HSF5: variants seen among roughly 807,000 people sequenced by gnomAD.
HSF5 encodes heat shock transcription factor 5.
A neutral mutation model predicts 50.8 loss-of-function variants in HSF5; 5 were observed. The ratio of observed to expected loss-of-function variants is 0.10; its 90% confidence interval spans 0.05 to 0.21. The LOEUF is 0.21. HSF5 is among the 10% of genes least tolerant of loss of function. The pLI is 1.00. For synonymous variants in HSF5, 307 were observed against 307.4 expected, an observed-to-expected ratio of 1.00 and a Z score of 0.02; for missense variants, 564 against 762.6, an observed-to-expected ratio of 0.74 and a Z score of 3.07.
intron 2 of HSF5, among the ~76,000 whole-genome samples, chr17:58,471,618 TTTC>T (rs1341313044): frequency 0.01 from 485 of 47,468 alleles, 2 homozygotes; most frequent in African/African-American, 0.041. Context: ...TTTCCTTTTC[TTTC>T]TTTTTTTTTT....
Position 58,479,938 on chromosome 17 carries a change from T to C in HSF5, c.880A>G (p.Asn294Asp). 1 of 1,614,076 alleles carries C rather than the reference T, an allele frequency of 6.2e-7. No homozygotes were observed. The highest frequency in any genetic ancestry group is 2.2e-5 in the East Asian group (1 of 44,886). The change falls in exon 2 of 6, where the codon AAC becomes GAC. Residue 294 changes from asparagine (N) to aspartate (D), a missense_variant. Asn to Asp is a conservative substitution (Grantham distance 23, BLOSUM62 1). Transcript: ENST00000323777. ...GAGTACTGTGCTGAGGGTGTGTAGTTACTGTATTTTTGGGAGGAGCTGACC... is the reference window on the plus strand; with the variant it reads ...GAGTACTGTGCTGAGGGTGTGTAGTCACTGTATTTTTGGGAGGAGCTGACC... ...TMVSSSQKYS[N>D]YTPSAQYSQA...
chr17:58,458,703 T>A, intron 5 of HSF5, 65 bp downstream of exon 5: 1 of 1,340,840 alleles, frequency 7.5e-7, no homozygotes. Flanking sequence ...AGAAAAAATG[T>A]CATTCATATA....
Position 58,462,771 on chromosome 17 carries a change from TGCCC to T in HSF5, c.1542+7_1542+10del. ...TGAGCTTTATAAGCATTTTTTTCTTTGCCCCCTTACCTGGTGTGTGCTGAATGGT... is the reference window on the plus strand; with the variant it reads ...TGAGCTTTATAAGCATTTTTTTCTTTCCTTACCTGGTGTGTGCTGAATGGT... On this transcript the variant is annotated splice_region_variant and intron_variant, in intron 4 of 5. Transcript: ENST00000323777. 6.4e-7 allele frequency: 1 copy of T among 1,567,256 alleles called. No individual in the cohort carries two copies.
At position 58,476,185 on chromosome 17, in the gene HSF5, T is replaced by A. The variant is rs1370811866; in HGVS notation, c.925+3708A>T. The A allele has an allele frequency of 1.7e-5, 17 of 976,846 alleles. No individual in the cohort carries two copies. The East Asian group carries it at 4.4e-4, about 25-fold the overall frequency. 60.5% of individuals were successfully genotyped at this position (976,846 alleles called of 1,614,324 possible). On this transcript the variant is annotated intron_variant, in intron 2 of 5. Transcript: ENST00000323777. ...CCTCCCCTTCATCATCATCTTCATC[T>A]TCTTCATCTTCCTCATTTCCTTCTA...
chr17:58,455,185 G>C (rs1164786596), intron 5 of HSF5, among the ~76,000 whole-genome samples: 1 of 152,136 alleles, frequency 6.6e-6, no homozygotes, highest in Non-Finnish European at 1.5e-5. Flanking sequence ...TACATTTATA[G>C]CTAACTGATT....
rs1353439555 is a variant in HSF5 at position 58,420,977 on chromosome 17, C to A, written c.*1383G>T. 6.6e-6 allele frequency: 1 copy of A among 152,618 alleles called. No individual in the cohort carries two copies. The highest frequency in any genetic ancestry group is 2.4e-5 in the African/African-American group (1 of 41,458). The allele number at this position is 152,618 out of a possible 1,614,324, so 9.5% of individuals were successfully genotyped here. A position where few individuals can be genotyped will look rare whatever the true frequency, so the allele number is the denominator to read the frequency against. On this transcript the variant is annotated 3_prime_UTR_variant, in exon 6 of 6. Transcript: ENST00000323777. ...CTAGCATAGTACTATGTCATATCAC[C>A]AAGTGCCTTTTTAATTAGTTTCATA...
chr17:58,478,369 C>T (rs1020504892), intron 2 of HSF5, among the ~76,000 whole-genome samples: 12 of 147,676 alleles, frequency 8.1e-5, no homozygotes, highest in African/African-American at 2.7e-4. Flanking sequence ...CCCAGCTACT[C>T]GGGAGGCTGA....
intron 2 of HSF5, among the ~76,000 whole-genome samples, chr17:58,471,789 G>A (rs1281382670): frequency 6.6e-6 from 1 of 151,662 alleles, no homozygotes; most frequent in African/African-American, 2.4e-5. Flanking sequence ...AATATCACGT[G>A]TACCTTGGGG....
Position 58,480,061 on chromosome 17 carries a change from C to A in HSF5, c.757G>T (p.Val253Phe). 2.5e-6 allele frequency: 4 copies of A among 1,614,144 alleles called. No homozygotes were observed. Among genetic ancestry groups the A allele is most frequent in the Non-Finnish European group, 3.4e-6 (4 of 1,180,020 alleles). Residue 253 changes from valine to phenylalanine, a missense_variant, in exon 2 of 6, where the codon GTT (valine) becomes TTT (phenylalanine). Transcript: ENST00000323777. ...AACCTCTGGAGTACAGGAAACGGAA[C>A]CCCTTTATCTGAAAATGTGGGAGAT... is the stretch of plus-strand genomic sequence containing the variant. ...ETSPTFSDKG[V>F]PFPVLQRFPT... is the part of the protein sequence containing the mutation.
intron 5 of HSF5, among the ~76,000 whole-genome samples, chr17:58,427,009 T>C (rs993680930): frequency 1.3e-5 from 2 of 152,154 alleles, no homozygotes; most frequent in Non-Finnish European, 2.9e-5. Flanking sequence ...CCTAGCACTT[T>C]GGGAGGCTGA....
rs192090023 is a variant in HSF5, at chr17:58,442,789, G to A, written c.1720+15979C>T. Among the ~76,000 whole-genome samples the A allele has an allele frequency of 1.2e-4, 19 of 152,258 alleles. No homozygotes were observed. The East Asian group carries it at 3.7e-3, about 29-fold the overall frequency. On this transcript the variant is annotated intron_variant, in intron 5 of 5. Transcript: ENST00000323777. ...TGTAGTCTCTGTTGCCCAGGCTGGA[G>A]TGCAGTGGTGCCATCTCTGCTCACT...
intron 5 of HSF5, among the ~76,000 whole-genome samples, chr17:58,436,404 A>C (rs568710352): frequency 6.6e-6 from 1 of 151,894 alleles, no homozygotes; most frequent in South Asian, 2.1e-4. Context: ...CCTCTTGTCC[A>C]TAATAAAATG....
At chr17:58,429,857 A>G (rs1567905256) in intron 5 of HSF5, among the ~76,000 whole-genome samples, 1 of 151,500 alleles carries the variant, frequency 6.6e-6, no homozygotes, top group East Asian at 1.9e-4. Context: ...AAAAAAAAAA[A>G]TTAAATGTTT....
chr17:58,476,381 A>G, intron 2 of HSF5: 2 of 1,051,868 alleles, frequency 1.9e-6, no homozygotes, highest in South Asian at 1.3e-5. Flanking sequence ...AATCAGGTAA[A>G]GAAGCTCCCT....
chr17:58,475,456 C>A (rs1293600816), intron 2 of HSF5, among the ~76,000 whole-genome samples: 1 of 152,170 alleles, frequency 6.6e-6, no homozygotes, highest in Non-Finnish European at 1.5e-5. Context: ...ATCCTACAGG[C>A]TCTGCAGATT....
At position 58,447,368 on chromosome 17, in the gene HSF5, G is replaced by T. The variant is rs568883562; in HGVS notation, c.1720+11400C>A. Among the ~76,000 whole-genome samples the T allele has an allele frequency of 6.6e-4, 100 of 152,324 alleles. 6 individuals carry two copies. The South Asian group carries it at 0.021, about 32-fold the overall frequency. On this transcript the variant is annotated intron_variant, in intron 5 of 5. Coordinates refer to ENST00000323777, the MANE Select transcript of HSF5 (RefSeq NM_001080439.3). ...TGATCTCAGGCCTGAATAAGTATCA[G>T]TGGCAGTCTGACAGTAGTGACAGAG...
intron 5 of HSF5, among the ~76,000 whole-genome samples, chr17:58,449,213 AG>A (rs1377125592): frequency 6.6e-6 from 1 of 152,228 alleles, no homozygotes; most frequent in African/African-American, 2.4e-5. Flanking sequence ...GAAAGCAGTA[AG>A]AAAGGAAGAA....
chr17:58,429,356 T>C (rs1411833940), intron 5 of HSF5, among the ~76,000 whole-genome samples: 11 of 152,178 alleles, frequency 7.2e-5, no homozygotes, highest in Admixed American at 2.6e-4. Flanking sequence ...GAATGTACTA[T>C]ATGCCACTTA....
At chr17:58,485,991 C>T (rs1389324974) in intron 1 of HSF5, among the ~76,000 whole-genome samples, 2 of 152,028 alleles carry the variant, frequency 1.3e-5, no homozygotes, top group East Asian at 3.9e-4. Flanking sequence ...ATCACTTGAA[C>T]CCGGGAGGCA....
Sources: allele counts gnomAD v4.1 joint callset (sites outside exome capture counted in the v4.1 genomes callset), GRCh38; gene constraint gnomAD v4.1.1; transcripts MANE v1.5; gene names NCBI Gene and HGNC (gene_info 2026-07-23, HGNC 2026-07-21).